Variants in ATP2C2 observed in about 807,000 individuals in gnomAD.
The protein encoded by ATP2C2 is ATPase secretory pathway Ca2+ transporting 2.
A neutral mutation model predicts 110.8 loss-of-function variants in ATP2C2; 171 were observed. That is an observed-to-expected ratio of 1.54 (90% CI 1.36 to 1.75). The LOEUF (loss-of-function observed/expected upper bound fraction) is 1.75, where lower values mean the gene tolerates loss of function less well. ATP2C2 is among the 40% of genes most tolerant of loss of function. The pLI, the probability that ATP2C2 is intolerant of heterozygous loss-of-function variation, is 0.00. For missense variants in ATP2C2, 1,963 were observed against 1,235.0 expected (o/e 1.59, Z -8.84); for synonymous variants, 804 against 508.4 (o/e 1.58, Z -7.82).
chr16:84,429,012 C>T (rs1908028281), intron 11 of ATP2C2, among the ~76,000 whole-genome samples: 1 of 152,158 alleles, frequency 6.6e-6, no homozygotes, highest in Non-Finnish European at 1.5e-5. Flanking sequence ...AATGGCCCTG[C>T]GAAAGGGCAT....
chr16:84,388,192 G>A (rs1016091959), intron 1 of ATP2C2, among the ~76,000 whole-genome samples: 1 of 152,122 alleles, frequency 6.6e-6, no homozygotes, highest in Admixed American at 6.5e-5. Flanking sequence ...GGGCATGGTG[G>A]CAGGTACCTG....
chr16:84,451,116 T>C (rs1396778772), intron 17 of ATP2C2, among the ~76,000 whole-genome samples: 3 of 152,104 alleles, frequency 2.0e-5, no homozygotes, highest in Non-Finnish European at 4.4e-5. Flanking sequence ...TGGGGAGGCC[T>C]TGCAATCATG....
chr16:84,397,577 A>T (rs989874272), intron 1 of ATP2C2, among the ~76,000 whole-genome samples: 9 of 146,850 alleles, frequency 6.1e-5, no homozygotes, highest in African/African-American at 2.3e-4. Flanking sequence ...AGGAGGCTGA[A>T]GCAGGAGGAT....
At chr16:84,391,714 T>C (rs573199922) in intron 1 of ATP2C2, among the ~76,000 whole-genome samples, 31 of 152,308 alleles carry the variant, frequency 2.0e-4, no homozygotes, top group African/African-American at 7.5e-4. Flanking sequence ...GCCAGCATCT[T>C]GGTTTCAGAG....
chr16:84,423,328 T>G, intron 10 of ATP2C2, 65 bp downstream of exon 10: 5 of 1,468,956 alleles, frequency 3.4e-6, no homozygotes, highest in Non-Finnish European at 4.8e-6. Context: ...ATAGGGGGGT[T>G]GCCATGGCCG....
intron 20 of ATP2C2, 125 bp from the exon 21 acceptor site, chr16:84,454,693 G>C (rs1910623413): frequency 9.9e-7 from 1 of 1,005,952 alleles, no homozygotes; most frequent in Non-Finnish European, 1.4e-6. Context: ...TGTGGGTGAA[G>C]CTGGGATTCG....
rs1006755236 is a variant in ATP2C2 at position 84,444,844 on chromosome 16, C to T, written c.1402-1485C>T. Among the ~76,000 whole-genome samples the T allele has an allele frequency of 2.0e-5, 3 of 152,246 alleles. 1 individual carries two copies. Among genetic ancestry groups the T allele is most frequent in the Admixed American group, 2.0e-4 (3 of 15,280 alleles). On this transcript the variant is annotated intron_variant, in intron 15 of 26. Transcript: ENST00000262429. ...CATGTAGGAAGTGCTGCCTGTGTGA[C>T]AGGCATGGGGCAAGCACTTTGTGGT...
At chr16:84,459,217 A>G (rs916515191) in intron 22 of ATP2C2, 29 bp downstream of exon 22, 37 of 1,614,074 alleles carry the variant, frequency 2.3e-5, no homozygotes, top group Non-Finnish European at 3.0e-5. Flanking sequence ...TCCGAGTGTC[A>G]TTAAGCACCA....
chr16:84,412,290 A>ATG (rs553690668), intron 6 of ATP2C2, among the ~76,000 whole-genome samples: 230 of 68,712 alleles, frequency 3.3e-3, no homozygotes, highest in African/African-American at 8.8e-3. Context: ...GTGTGCACGT[A>ATG]TGTGTGTGTG....
rs373954854 is a variant in ATP2C2 at position 84,459,265 on chromosome 16, C to G, written c.2217-5C>G. 1.2e-6 allele frequency: 2 copies of G among 1,614,178 alleles called. No individual in the cohort carries two copies. Among genetic ancestry groups the G allele is most frequent in the African/African-American group, 1.3e-5 (1 of 75,054 alleles). On this transcript the variant is annotated splice_polypyrimidine_tract_variant and splice_region_variant and intron_variant, in intron 22 of 26. Transcript: ENST00000262429. ...GGCCGCTGACTGGCTGCGTGTGCCC[C>G]GCAGGAGCATCTCCGCCCTGAGTCT...
chr16:84,449,067 A>T (rs1171047114), intron 17 of ATP2C2, among the ~76,000 whole-genome samples: 2 of 151,940 alleles, frequency 1.3e-5, no homozygotes, highest in Admixed American at 6.5e-5. Flanking sequence ...GCCATTTTCA[A>T]TTTTCTGCAG....
At position 84,369,305 on chromosome 16, in the gene ATP2C2, A is replaced by T. The variant is rs191487947; in HGVS notation, c.99+591A>T. 2.3e-3 allele frequency among the ~76,000 whole-genome samples: 353 copies of T among 152,234 alleles called. 2 individuals carry two copies. Among genetic ancestry groups the T allele is most frequent in the African/African-American group, 8.2e-3 (340 of 41,546 alleles). ...GGGTGCCAGGGCAGGGCGGTTCATG[A>T]GGGAACGAAGTGGCAAAGCTGTCAA... On this transcript the variant is annotated intron_variant, in intron 1 of 26. Coordinates refer to ENST00000262429, the MANE Select transcript of ATP2C2 (RefSeq NM_014861.4).
chr16:84,433,159 C>A (rs938156914), intron 11 of ATP2C2, among the ~76,000 whole-genome samples: 7 of 152,064 alleles, frequency 4.6e-5, no homozygotes. Flanking sequence ...GCAAGAGGAT[C>A]CCTTGAGCCC....
chr16:84,408,584 G>A, intron 4 of ATP2C2, 90 bp downstream of exon 4: 1 of 1,033,528 alleles, frequency 9.7e-7, no homozygotes, highest in South Asian at 1.4e-5. Context: ...AAAAAAAAGA[G>A]TTTGCTGTAG....
rs76553971 is a variant in ATP2C2 at position 84,448,026 on chromosome 16, T to C, written c.1504-507T>C. On this transcript the variant is annotated intron_variant, in intron 16 of 26. Transcript: ENST00000262429. ...TGACCCAGGGCCTCCCCCCGTGGAG[T>C]TCATAGTCTACATGTTTGTCATGAC... Among the ~76,000 whole-genome samples, 220 of 151,678 alleles carry C rather than the reference T, an allele frequency of 1.5e-3. 4 individuals are homozygous for C. In the East Asian group the frequency reaches 0.023, roughly 16 times the overall value.
At position 84,461,833 on chromosome 16, in the gene ATP2C2, C is replaced by G. The variant is rs199814527; in HGVS notation, c.2580+21C>G. 5 of 1,611,312 alleles carry G rather than the reference C, an allele frequency of 3.1e-6. 1 individual carries two copies. Among genetic ancestry groups the G allele is most frequent in the Non-Finnish European group, 4.2e-6 (5 of 1,177,500 alleles). ...CTCAGGTGAGACCCGGGCTGACCCT[C>G]CTCGCTGCAGAGCTGCTGTGTGTTC... On this transcript the variant is annotated intron_variant, in intron 25 of 26. Transcript: ENST00000262429.
intron 26 of ATP2C2, 59 bp downstream of exon 26, chr16:84,462,188 C>G: frequency 6.4e-7 from 1 of 1,572,948 alleles, no homozygotes; most frequent in East Asian, 2.3e-5. Flanking sequence ...GGGGCGGCAG[C>G]TGCCAGGTGG....
chr16:84,418,406 C>T (rs1362037615), intron 7 of ATP2C2, among the ~76,000 whole-genome samples: 1 of 152,182 alleles, frequency 6.6e-6, no homozygotes, highest in Non-Finnish European at 1.5e-5. Flanking sequence ...AACCCACACA[C>T]AACCACCTTC....
chr16:84,372,834 A>T (rs972525241), intron 1 of ATP2C2, among the ~76,000 whole-genome samples: 1 of 152,168 alleles, frequency 6.6e-6, no homozygotes, highest in South Asian at 2.1e-4. Flanking sequence ...ATCAGGTTCA[A>T]TTTAGGCCTG....
Sources: gnomAD v4.1 joint callset for allele counts (sites outside exome capture counted in the v4.1 genomes callset) on GRCh38, gnomAD v4.1.1 for gene constraint, MANE v1.5 for transcripts, NCBI Gene and HGNC (gene_info 2026-07-23, HGNC 2026-07-21) for gene names.